Variants in SORBS2 observed in about 807,000 individuals in gnomAD.
SORBS2 encodes the protein sorbin and SH3 domain containing 2, also known as sorbin and SH3 domain-containing protein 2.
Under a neutral mutation model 97.7 loss-of-function variants are expected in SORBS2, and 46 were observed. The observed-to-expected ratio is 0.47, with a 90% CI of 0.37 to 0.60. The LOEUF (loss-of-function observed/expected upper bound fraction) is 0.60, where lower values mean the gene tolerates loss of function less well. Ranked by LOEUF, SORBS2 falls within the 20% of genes least tolerant of loss-of-function variation. The probability of loss-of-function intolerance (pLI) is 0.00; values close to 1 mark genes in which losing one functional copy is unlikely to be tolerated. For synonymous variants in SORBS2, 476 were observed against 473.4 expected (o/e 1.01, Z -0.07); for missense variants, 1,316 against 1,282.3 (o/e 1.03, Z -0.40).
At chr4:185,692,948 T>A (rs971975381) in intron 2 of SORBS2, among the ~76,000 whole-genome samples, 5 of 152,216 alleles carry the variant, frequency 3.3e-5, no homozygotes, top group African/African-American at 1.2e-4. Context: ...AGCTCTACGC[T>A]GAAAACAATA....
intron 1 of SORBS2, among the ~76,000 whole-genome samples, chr4:185,906,405 A>G (rs925898458): frequency 3.9e-5 from 6 of 152,324 alleles, no homozygotes; most frequent in Non-Finnish European, 7.3e-5. Context: ...CAAAACTGGG[A>G]AAATTTTATT....
At chr4:185,816,567 A>G (rs947279876) in intron 1 of SORBS2, among the ~76,000 whole-genome samples, 1 of 152,248 alleles carries the variant, frequency 6.6e-6, no homozygotes, top group Non-Finnish European at 1.5e-5. Flanking sequence ...ATCTCAGTCA[A>G]ACAAATTGGA....
chr4:185,943,481 GAAGT>G (rs1339122625), intron 1 of SORBS2, among the ~76,000 whole-genome samples: 1 of 152,178 alleles, frequency 6.6e-6, no homozygotes, highest in Non-Finnish European at 1.5e-5. Context: ...CAAGCTGTAA[GAAGT>G]AATTTCTAGT....
At chr4:185,662,027 T>C (rs2097530083) in intron 5 of SORBS2, 77 bp downstream of exon 8, 1 of 1,534,656 alleles carries the variant, frequency 6.5e-7, no homozygotes, top group Non-Finnish European at 8.9e-7. Flanking sequence ...CTCACCTTGA[T>C]GCCGCATATC....
rs190913021 is a variant in SORBS2, at chr4:185,723,509, C to T, written c.-197-44687G>A. ...GAAGTTGGGAGAAGAAAGGACAGCC[C>T]GTACCAGTGCACTCAAATAGCCAGA... On this transcript the variant is annotated intron_variant, in intron 2 of 20. Transcript: ENST00000284776. 3.9e-4 allele frequency among the ~76,000 whole-genome samples: 59 copies of T among 152,228 alleles called. No individual in the cohort carries two copies. In the East Asian group the frequency reaches 4.8e-3, roughly 12 times the overall value.
intron 4 of SORBS2, among the ~76,000 whole-genome samples, chr4:185,678,038 A>C (rs2097820892): frequency 6.6e-6 from 1 of 152,162 alleles, no homozygotes; most frequent in African/African-American, 2.4e-5. Context: ...AATTTTACTA[A>C]TATCTCCAAC....
rs150185756 is a variant in SORBS2, at chr4:185,670,828, G to A, written c.-46+7595C>T. Among the ~76,000 whole-genome samples the A allele has an allele frequency of 4.5e-3, 686 of 152,238 alleles. 3 individuals carry two copies. Among genetic ancestry groups the A allele is most frequent in the African/African-American group, 0.016 (654 of 41,532 alleles). ...CTGTTGCCGGATCATCATTTTGCTG[G>A]CCACAGCTGATTAGGAAGGGGGAGT... On this transcript the variant is annotated intron_variant, in intron 4 of 20. Transcript: ENST00000284776.
intron 1 of SORBS2, among the ~76,000 whole-genome samples, chr4:185,797,665 TA>T (rs915664501): frequency 1.6e-4 from 25 of 152,102 alleles, no homozygotes; most frequent in African/African-American, 5.6e-4. Context: ...AGTAGGGAAA[TA>T]GGGGTCAGGA....
At chr4:185,660,880 G>C (rs951768952), upstream of SORBS2, among the ~76,000 whole-genome samples, 1 of 152,160 alleles carries the variant, frequency 6.6e-6, no homozygotes, top group Non-Finnish European at 1.5e-5. Flanking sequence ...TTCCTAGTGA[G>C]TCGACATCAT....
At chr4:185,709,287 C>T (rs530115163) in intron 2 of SORBS2, among the ~76,000 whole-genome samples, 24 of 80,174 alleles carry the variant, frequency 3.0e-4, no homozygotes, top group African/African-American at 8.1e-4. Context: ...AGGCATGAGC[C>T]GCTGTGCTGG....
intron 5 of SORBS2, among the ~76,000 whole-genome samples, chr4:185,628,585 C>T (rs1361216047): frequency 2.0e-5 from 3 of 152,122 alleles, no homozygotes; most frequent in Non-Finnish European, 4.4e-5. Context: ...GACTCTGTCT[C>T]TACAGAAAAT....
intron 1 of SORBS2, among the ~76,000 whole-genome samples, chr4:185,880,543 T>C (rs1157639951): frequency 5.9e-5 from 9 of 152,230 alleles, no homozygotes; most frequent in Non-Finnish European, 1.5e-5. Flanking sequence ...ACAAAGAATG[T>C]CTTGAAAGCA....
chr4:185,692,758 A>C (rs2098118763), intron 2 of SORBS2, among the ~76,000 whole-genome samples: 1 of 151,964 alleles, frequency 6.6e-6, no homozygotes, highest in African/African-American at 2.4e-5. Context: ...ATAGATATAT[A>C]TGTATAGTGT....
intron 1 of SORBS2, among the ~76,000 whole-genome samples, chr4:185,928,523 T>C (rs2099264837): frequency 6.6e-6 from 1 of 152,172 alleles, no homozygotes; most frequent in South Asian, 2.1e-4. Context: ...CCCCAGTATC[T>C]CATGGATTTC....
intron 12 of SORBS2, among the ~76,000 whole-genome samples, chr4:185,605,563 G>A (rs28377874): frequency 0.046 from 7,033 of 151,982 alleles, 552 homozygotes; most frequent in African/African-American, 0.16. Flanking sequence ...GATTACAGGC[G>A]TAAGCCACCG....
chr4:185,951,802 C>G (rs1439838638), intron 1 of SORBS2, among the ~76,000 whole-genome samples: 1 of 152,206 alleles, frequency 6.6e-6, no homozygotes, highest in Non-Finnish European at 1.5e-5. Flanking sequence ...GCTCAGTGTG[C>G]ATGCATCAGT....
chr4:185,614,626 G>T, intron 11 of SORBS2: 2 of 559,798 alleles, frequency 3.6e-6, no homozygotes, highest in Non-Finnish European at 6.1e-6. Context: ...GGTATCCCAC[G>T]GGGAACTCCT....
chr4:185,668,467 C>T (rs1355075369), intron 4 of SORBS2, among the ~76,000 whole-genome samples: 1 of 152,190 alleles, frequency 6.6e-6, no homozygotes, highest in Non-Finnish European at 1.5e-5. Context: ...TGGTGAGTCA[C>T]ATCACACTTA....
At position 185,606,194 on chromosome 4, in the gene SORBS2, G is replaced by T. The variant is rs1230489867; in HGVS notation, c.2796+5586C>A. 1.4e-5 allele frequency: 14 copies of T among 985,228 alleles called. No homozygotes were observed. Among genetic ancestry groups the T allele is most frequent in the Admixed American group, 6.1e-5 (1 of 16,266 alleles). 61.0% of individuals were successfully genotyped at this position (985,228 alleles called of 1,614,324 possible). On this transcript the variant is annotated intron_variant, in intron 12 of 14. Transcript: ENST00000418609. This position sits in a 1 kb window ranked among gnomAD's most constrained non-coding sequence, Gnocchi z 4.3. ...TCAACTTCCTCTTCTCTAAAGTGGG[G>T]ATGATAATGTCACACACCTCACTGG... is the stretch of plus-strand genomic sequence containing the variant.
Sources: allele counts gnomAD v4.1 joint callset (sites outside exome capture counted in the v4.1 genomes callset), GRCh38; gene constraint gnomAD v4.1.1; non-coding constraint Gnocchi (gnomAD v3.1); transcripts MANE v1.5; gene names NCBI Gene and HGNC (gene_info 2026-07-23, HGNC 2026-07-21).